The following MYO1E variants were observed in gnomAD, a reference collection of about 807,000 sequenced individuals.
The protein encoded by MYO1E is unconventional myosin-Ie.
In MYO1E, 68 loss-of-function variants were observed where a neutral mutation model predicts 151.1. The observed-to-expected ratio is 0.45, with a 90% CI of 0.37 to 0.55. The LOEUF (loss-of-function observed/expected upper bound fraction) is 0.55, where lower values mean the gene tolerates loss of function less well. Ranked by LOEUF, MYO1E falls within the 20% of genes least tolerant of loss-of-function variation. The probability of loss-of-function intolerance (pLI) is 0.00; values close to 1 mark genes in which losing one functional copy is unlikely to be tolerated. For synonymous variants in MYO1E, 601 were observed against 501.7 expected (o/e 1.20, Z -2.64); for missense variants, 1,363 against 1,389.3 (o/e 0.98, Z 0.30).
At position 59,350,509 on chromosome 15, in the gene MYO1E, G is replaced by A. The variant is rs2080817469; in HGVS notation, c.3+21989C>T. ...GGAGAATGTAGTGTCTGCCCTCAGA[G>A]ACTACATGCATTACTGAGAGGAAAG... On this transcript the variant is annotated intron_variant, in intron 1 of 27. Coordinates refer to ENST00000288235, the MANE Select transcript of MYO1E (RefSeq NM_004998.4). The surrounding 1 kb of genome is among the most constrained non-coding windows in gnomAD (Gnocchi z 5.0). Among the ~76,000 whole-genome samples the A allele has an allele frequency of 6.6e-6, 1 of 152,146 alleles. No individual in the cohort carries two copies. Among genetic ancestry groups the A allele is most frequent in the Non-Finnish European group, 1.5e-5 (1 of 68,022 alleles).
At chr15:59,222,797 T>A (rs760754885) in intron 9 of MYO1E, among the ~76,000 whole-genome samples, 1 of 152,186 alleles carries the variant, frequency 6.6e-6, no homozygotes, top group African/African-American at 2.4e-5. Context: ...CTCCCAGCTT[T>A]CCCCAGGTTA....
At chr15:59,180,319 A>G (rs1299196357) in intron 18 of MYO1E, among the ~76,000 whole-genome samples, 3 of 152,184 alleles carry the variant, frequency 2.0e-5, no homozygotes, top group Non-Finnish European at 2.9e-5. Flanking sequence ...GTTAGTGAAA[A>G]TGAGTAGGTG....
chr15:59,342,903 A>C (rs1305794725), intron 1 of MYO1E, among the ~76,000 whole-genome samples: 2 of 152,182 alleles, frequency 1.3e-5, no homozygotes, highest in African/African-American at 4.8e-5. Flanking sequence ...AACCAATAAA[A>C]ACTCTATAAT....
At chr15:59,363,573 G>A (rs1363177470) in intron 1 of MYO1E, among the ~76,000 whole-genome samples, 2 of 152,192 alleles carry the variant, frequency 1.3e-5, no homozygotes, top group African/African-American at 4.8e-5. Flanking sequence ...CAAAGAGCAT[G>A]GACTTAGCAG....
intron 1 of MYO1E, among the ~76,000 whole-genome samples, chr15:59,300,315 G>GACAC (rs1214320696): frequency 1.4e-5 from 2 of 138,770 alleles, no homozygotes; most frequent in East Asian, 2.0e-4. Flanking sequence ...CACACACACA[G>GACAC]ACACACACAC....
At chr15:59,170,059 C>T (rs2079583177) in intron 22 of MYO1E, among the ~76,000 whole-genome samples, 1 of 151,970 alleles carries the variant, frequency 6.6e-6, no homozygotes, top group Admixed American at 6.6e-5. Context: ...TACTCGGGAG[C>T]CTGAGGCAGG....
intron 1 of MYO1E, among the ~76,000 whole-genome samples, chr15:59,310,001 A>G (rs1017885): frequency 0.81 from 122,974 of 152,102 alleles, 51,216 homozygotes; most frequent in Non-Finnish European, 0.93. Flanking sequence ...CTGTTCTCAC[A>G]GCCACTGCCT....
chr15:59,336,837 T>C (rs2080731912), intron 1 of MYO1E, among the ~76,000 whole-genome samples: 1 of 147,380 alleles, frequency 6.8e-6, no homozygotes, highest in African/African-American at 2.5e-5. Context: ...AGTGAGAACA[T>C]GCGGTGTTTG....
At chr15:59,255,795 C>A (rs2080190961) in intron 4 of MYO1E, among the ~76,000 whole-genome samples, 1 of 152,148 alleles carries the variant, frequency 6.6e-6, no homozygotes, top group Non-Finnish European at 1.5e-5. Flanking sequence ...CGCATGTGGC[C>A]CATGGCCTGC....
At chr15:59,227,342 G>T in intron 7 of MYO1E, 117 bp downstream of exon 7, 2 of 1,217,014 alleles carry the variant, frequency 1.6e-6, no homozygotes, top group Non-Finnish European at 1.2e-6. Context: ...ACTTGTACAT[G>T]GTATCATCAT....
chr15:59,344,936 C>A (rs1483990830), intron 1 of MYO1E, among the ~76,000 whole-genome samples: 2 of 152,174 alleles, frequency 1.3e-5, no homozygotes, highest in Non-Finnish European at 2.9e-5. Flanking sequence ...TTTTAAAAAT[C>A]AACTCATCTG....
intron 16 of MYO1E, among the ~76,000 whole-genome samples, chr15:59,199,632 G>T (rs964559007): frequency 6.6e-6 from 1 of 151,976 alleles, no homozygotes; most frequent in African/African-American, 2.4e-5. Context: ...AATATAATAA[G>T]AGTTCCCATC....
chr15:59,163,845 T>C (rs1483614565), intron 22 of MYO1E, among the ~76,000 whole-genome samples: 3 of 152,246 alleles, frequency 2.0e-5, no homozygotes, highest in Non-Finnish European at 4.4e-5. Context: ...CTGTGGACAC[T>C]GTAGGCCAGG....
At chr15:59,161,964 AT>A (rs1328973796) in intron 23 of MYO1E, among the ~76,000 whole-genome samples, 1 of 152,168 alleles carries the variant, frequency 6.6e-6, no homozygotes, top group East Asian at 1.9e-4. Context: ...TCTTGGCCTT[AT>A]TTTTGTAGCT....
intron 10 of MYO1E, among the ~76,000 whole-genome samples, chr15:59,216,621 T>TCTAC (rs2079916643): frequency 7.7e-6 from 1 of 129,450 alleles, no homozygotes; most frequent in East Asian, 2.1e-4. Flanking sequence ...TATCTATCTA[T>TCTAC]CTTTTGGATC....
chr15:59,267,877 C>A (rs1192731628), intron 2 of MYO1E, among the ~76,000 whole-genome samples: 1 of 152,018 alleles, frequency 6.6e-6, no homozygotes, highest in Non-Finnish European at 1.5e-5. Context: ...ACAAATAACT[C>A]AAAAATAGGG....
intron 21 of MYO1E, among the ~76,000 whole-genome samples, chr15:59,173,012 A>T (rs2079604663): frequency 6.6e-6 from 1 of 152,370 alleles, no homozygotes; most frequent in South Asian, 2.1e-4. Flanking sequence ...AAAAGCTCTT[A>T]ACGGGTCCAT....
chr15:59,255,558 C>T (rs763064588), intron 4 of MYO1E, among the ~76,000 whole-genome samples: 8 of 152,128 alleles, frequency 5.3e-5, no homozygotes, highest in Middle Eastern at 6.3e-3. Flanking sequence ...CCATGCCCAG[C>T]TAATTTTTGT....
intron 1 of MYO1E, among the ~76,000 whole-genome samples, chr15:59,290,321 C>T (rs2080411805): frequency 6.6e-6 from 1 of 152,180 alleles, no homozygotes; most frequent in Non-Finnish European, 1.5e-5. Flanking sequence ...CCTTTAGATC[C>T]CACAGTGGTA....
Sources: allele counts gnomAD v4.1 joint callset (sites outside exome capture counted in the v4.1 genomes callset), GRCh38; gene constraint gnomAD v4.1.1; non-coding constraint Gnocchi (gnomAD v3.1); transcripts MANE v1.5; gene names NCBI Gene and HGNC (gene_info 2026-07-23, HGNC 2026-07-21).